MAPK8IP3: variants seen among roughly 807,000 people sequenced by gnomAD.
MAPK8IP3 encodes C-Jun-amino-terminal kinase-interacting protein 3.
Under a neutral mutation model 157.8 loss-of-function variants are expected in MAPK8IP3, and 49 were observed. The observed-to-expected ratio is 0.31, with a 90% CI of 0.25 to 0.39. The LOEUF (loss-of-function observed/expected upper bound fraction) is 0.39, where lower values mean the gene tolerates loss of function less well. Ranked by LOEUF, MAPK8IP3 falls within the 10% of genes least tolerant of loss-of-function variation. The probability of loss-of-function intolerance (pLI) is 1.00; values close to 1 mark genes in which losing one functional copy is unlikely to be tolerated. For missense variants in MAPK8IP3, 1,478 were observed against 1,889.4 expected (o/e 0.78, Z 4.04); for synonymous variants, 897 against 777.7 (o/e 1.15, Z -2.55).
At chr16:1,746,749 C>T (rs749633157) in intron 5 of MAPK8IP3, 25 of 477,940 alleles carry the variant, frequency 5.2e-5, no homozygotes. Flanking sequence ...AAGCAATCGT[C>T]TGGGGAGGGC....
chr16:1,737,026 A>G (rs1451750416), intron 4 of MAPK8IP3, among the ~76,000 whole-genome samples: 6 of 44,348 alleles, frequency 1.4e-4, no homozygotes, highest in East Asian at 9.6e-4. Flanking sequence ...GAGTGTGACC[A>G]TCCATGTGAG....
chr16:1,709,362 G>C (rs971796117), intron 1 of MAPK8IP3, among the ~76,000 whole-genome samples: 11 of 152,194 alleles, frequency 7.2e-5, no homozygotes, highest in African/African-American at 2.7e-4. Flanking sequence ...CACACACCCT[G>C]GGTCCATCCT....
intron 25 of MAPK8IP3, 50 bp downstream of exon 25, chr16:1,767,021 A>G (rs1416036045): frequency 6.4e-7 from 1 of 1,567,130 alleles, no homozygotes; most frequent in Non-Finnish European, 8.7e-7. Context: ...TGGCCCTGGC[A>G]TTGTTTAGCC....
Position 1,765,083 on chromosome 16 carries a change from G to A in MAPK8IP3, c.2351G>A (p.Ser784Asn), listed in dbSNP as rs374835179. 3 of 1,612,482 alleles carry A rather than the reference G, an allele frequency of 1.9e-6. No individual in the cohort carries two copies. Among genetic ancestry groups the A allele is most frequent in the African/African-American group, 1.3e-5 (1 of 75,022 alleles). The change falls in exon 20 of 32, where the codon AGC becomes AAC. Residue 784 changes from serine (S) to asparagine (N), a missense_variant. Ser to Asn is a conservative substitution (Grantham distance 46). This residue lies in a region of MAPK8IP3 where 669 missense variants were observed against 759.8 expected (regional missense o/e 0.88). Transcript: ENST00000610761. Reference protein sequence around the residue: ...VWILTSTLTTSKVVIIDANQP... With the variant: ...VWILTSTLTTNKVVIIDANQP... ...ATCCTGACCAGCACCCTGACCACCA[G>A]CAAGGTGGTGATCATCGACGCCAAC... is the stretch of plus-strand genomic sequence containing the variant.
chr16:1,723,715 T>G (rs1045229076), intron 1 of MAPK8IP3, among the ~76,000 whole-genome samples: 14 of 152,166 alleles, frequency 9.2e-5, no homozygotes, highest in African/African-American at 3.1e-4. Flanking sequence ...TTCTACTCTG[T>G]AAAAATGAGG....
At chr16:1,767,762 T>G (rs766838495) in intron 27 of MAPK8IP3, 27 bp downstream of exon 27, 5 of 1,611,852 alleles carry the variant, frequency 3.1e-6, no homozygotes, top group Admixed American at 1.7e-5. Flanking sequence ...GATGGGGTGG[T>G]GGGGTGCTCA....
chr16:1,752,957 A>T (rs2041379018), intron 8 of MAPK8IP3, among the ~76,000 whole-genome samples: 1 of 152,200 alleles, frequency 6.6e-6, no homozygotes, highest in Non-Finnish European at 1.5e-5. Context: ...CAGAATGGGC[A>T]TGAACTCCTG....
Position 1,768,206 on chromosome 16 carries a change from G to A in MAPK8IP3, c.3570G>A (p.Lys1190=), listed in dbSNP as rs774195267. 1 of 1,612,428 alleles carries A rather than the reference G, an allele frequency of 6.2e-7. No individual in the cohort carries two copies. Among genetic ancestry groups the A allele is most frequent in the East Asian group, 2.2e-5 (1 of 44,880 alleles). Residue 1190 remains lysine, a synonymous_variant, in exon 30 of 32, where the codon AAG becomes AAA. Transcript: ENST00000610761. ...TGGGTTCTCTCCCTGCAGCCAATAA[G>A]ACATCCCCCACCTCTGGGGAGGGCG... The part of the protein sequence containing the change: ...RGQLLGLRAN[K]TSPTSGEGAR...
chr16:1,737,983 C>CGTGT (rs770499761), intron 4 of MAPK8IP3, among the ~76,000 whole-genome samples: 2 of 42,038 alleles, frequency 4.8e-5, no homozygotes, highest in Non-Finnish European at 8.1e-5. Flanking sequence ...TGTGACCGTC[C>CGTGT]GTGTGACCAT....
In MAPK8IP3 at chr16:1,766,737, C is replaced by T. The variant is rs1197524194; in HGVS notation, c.2954C>T (p.Ser985Leu). ...TCCTTCCCTAGGCTCTATGTGCACT[C>T]GGCTGTGGCCAACTGGAAGAAGTGC... ...GAQNGWLYVHSAVANWKKCLH... is the reference protein window; with the variant it reads ...GAQNGWLYVHLAVANWKKCLH... The change falls in exon 24 of 32, where the codon TCG becomes TTG. Residue 985 changes from serine to leucine, a missense_variant. This residue lies in a region of MAPK8IP3 where 669 missense variants were observed against 759.8 expected (regional missense o/e 0.88). Coordinates refer to ENST00000610761, the MANE Select transcript of MAPK8IP3 (RefSeq NM_001318852.2). 4 of 1,612,814 alleles carry T rather than the reference C, an allele frequency of 2.5e-6. No individual in the cohort carries two copies. The highest frequency in any genetic ancestry group is 1.3e-5 in the African/African-American group (1 of 75,036).
intron 4 of MAPK8IP3, among the ~76,000 whole-genome samples, chr16:1,738,903 C>G (rs1166399429): frequency 1.6e-5 from 2 of 126,200 alleles, no homozygotes; most frequent in Non-Finnish European, 3.2e-5. Flanking sequence ...GTGTGACCAT[C>G]CGTGTAGCAT....
intron 10 of MAPK8IP3, 49 bp from the exon 11 acceptor site, chr16:1,759,909 T>A: frequency 1.3e-6 from 2 of 1,544,784 alleles, no homozygotes; most frequent in Non-Finnish European, 1.8e-6. Flanking sequence ...GCGGCATCAG[T>A]GACCTGTTTT....
chr16:1,737,345 ACCGT>A lies in MAPK8IP3; in HGVS notation c.603-5982_603-5979del, dbSNP rs1242415318. On this transcript the variant is annotated intron_variant, in intron 4 of 31. Transcript: ENST00000610761. ...CCGTGTGAGCATCCGTGTGAGCGTG[ACCGT>A]CCGTGAGTGTGTGACCGTCCGTGTG... Among the ~76,000 whole-genome samples, 9 of 75,562 alleles carry A rather than the reference ACCGT, an allele frequency of 1.2e-4. No homozygotes were observed. The East Asian group carries it at 2.4e-3, about 20-fold the overall frequency. The allele number at this position is 75,562 out of a possible 152,430, so 49.6% of individuals were successfully genotyped here. A position where few individuals can be genotyped will look rare whatever the true frequency, so the allele number is the denominator to read the frequency against.
intron 8 of MAPK8IP3, among the ~76,000 whole-genome samples, chr16:1,754,987 C>G (rs2141893203): frequency 6.6e-6 from 1 of 152,326 alleles, no homozygotes; most frequent in South Asian, 2.1e-4. Flanking sequence ...TACCCACATG[C>G]TTGTTGGAGA....
At chr16:1,756,026 C>A (rs937362502) in intron 8 of MAPK8IP3, among the ~76,000 whole-genome samples, 1 of 152,128 alleles carries the variant, frequency 6.6e-6, no homozygotes, top group African/African-American at 2.4e-5. Context: ...TGCTGCCCTA[C>A]GTGCCAGCCA....
rs1206903127 is a variant in MAPK8IP3 at position 1,724,311 on chromosome 16, G to A, written c.319-246G>A. Among the ~76,000 whole-genome samples the A allele has an allele frequency of 6.6e-6, 1 of 152,238 alleles. No individual in the cohort carries two copies. The highest frequency in any genetic ancestry group is 2.4e-5 in the African/African-American group (1 of 41,466). Reference sequence around the variant, plus strand: ...CACAGCAAATCCTCCCGGGAGAGGAGGGTGCAATCATGCAGTCCTGGAGGG... The same window carrying A: ...CACAGCAAATCCTCCCGGGAGAGGAAGGTGCAATCATGCAGTCCTGGAGGG... On this transcript the variant is annotated intron_variant, in intron 1 of 31. Transcript: ENST00000610761. This position sits in a 1 kb window ranked among gnomAD's most constrained non-coding sequence, Gnocchi z 4.1.
At chr16:1,725,457 G>A (rs1047219896) in intron 2 of MAPK8IP3, among the ~76,000 whole-genome samples, 8 of 150,556 alleles carry the variant, frequency 5.3e-5, no homozygotes, top group Non-Finnish European at 8.9e-5. Context: ...GCGAAACCCC[G>A]TCTCTATAAA....
chr16:1,746,904 C>A, intron 5 of MAPK8IP3, 125 bp from the exon 6 acceptor site: 1 of 1,222,966 alleles, frequency 8.2e-7, no homozygotes, highest in East Asian at 2.6e-5. Flanking sequence ...GAGCTCTGGC[C>A]CGCAGGGTGT....
intron 12 of MAPK8IP3, 60 bp from the exon 13 acceptor site, chr16:1,761,162 CTA>C: frequency 7.3e-7 from 1 of 1,364,182 alleles, no homozygotes; most frequent in South Asian, 1.2e-5. Flanking sequence ...GCACTGCCCG[CTA>C]TGTGTTCCCG....
Sources: gnomAD v4.1 joint callset for allele counts (sites outside exome capture counted in the v4.1 genomes callset) on GRCh38, gnomAD v4.1.1 for gene constraint, gnomAD v4.1.1 regional missense constraint, Gnocchi (gnomAD v3.1) non-coding constraint, MANE v1.5 for transcripts, NCBI Gene and HGNC (gene_info 2026-07-23, HGNC 2026-07-21) for gene names.